Variants in SLIT3 observed in about 807,000 individuals in gnomAD.
SLIT3 encodes the protein slit homolog 3 protein.
Under a neutral mutation model 184.0 loss-of-function variants are expected in SLIT3, and 68 were observed. That is an observed-to-expected ratio of 0.37 (90% CI 0.30 to 0.45). The LOEUF (loss-of-function observed/expected upper bound fraction) is 0.45, where lower values mean the gene tolerates loss of function less well. Among genes scored for constraint, SLIT3 ranks in the 20% least tolerant of loss-of-function variants. The probability of loss-of-function intolerance (pLI) is 1.00; values close to 1 mark genes in which losing one functional copy is unlikely to be tolerated. For missense variants in SLIT3, 1,707 were observed against 2,026.0 expected (o/e 0.84, Z 3.02); for synonymous variants, 831 against 828.6 (o/e 1.00, Z -0.05).
intron 4 of SLIT3, among the ~76,000 whole-genome samples, chr5:169,051,376 TAA>T (rs1303734221): frequency 6.6e-6 from 1 of 152,172 alleles, no homozygotes; most frequent in African/African-American, 2.4e-5. Context: ...TTCTCATATT[TAA>T]GTTTCCTCCT....
intron 1 of SLIT3, among the ~76,000 whole-genome samples, chr5:169,267,914 G>A (rs578041395): frequency 6.6e-6 from 1 of 152,186 alleles, no homozygotes; most frequent in Non-Finnish European, 1.5e-5. Context: ...AGTCCAACCA[G>A]TCACAGAGCA....
intron 34 of SLIT3, among the ~76,000 whole-genome samples, chr5:168,670,650 A>T (rs1761209925): frequency 6.6e-6 from 1 of 152,156 alleles, no homozygotes; most frequent in African/African-American, 2.4e-5. Flanking sequence ...TGATCCAAAA[A>T]ATCATTTCCT....
chr5:168,756,204 G>A (rs550478456), intron 16 of SLIT3, among the ~76,000 whole-genome samples: 39 of 152,350 alleles, frequency 2.6e-4, no homozygotes, highest in African/African-American at 8.9e-4. Flanking sequence ...CACTGCTCCA[G>A]GTCACAGAGC....
intron 4 of SLIT3, among the ~76,000 whole-genome samples, chr5:169,137,389 G>C (rs1761558573): frequency 1.3e-5 from 2 of 150,448 alleles, no homozygotes; most frequent in Non-Finnish European, 3.0e-5. Context: ...AGCAGGGGAA[G>C]GGTATCTATT....
chr5:169,086,885 G>C (rs1276313444), intron 4 of SLIT3, among the ~76,000 whole-genome samples: 3 of 152,224 alleles, frequency 2.0e-5, no homozygotes, highest in Non-Finnish European at 2.9e-5. Context: ...ATCCAAAGGA[G>C]AAGTCTTTGT....
intron 4 of SLIT3, among the ~76,000 whole-genome samples, chr5:169,006,578 TTCTCTCTCTC>T (rs369079733): frequency 2.1e-5 from 3 of 140,204 alleles, no homozygotes; most frequent in East Asian, 2.1e-4. Flanking sequence ...TTTCCCCCTC[TTCTCTCTCTC>T]TCTCTCTCTC....
intron 6 of SLIT3, among the ~76,000 whole-genome samples, chr5:168,840,791 A>AT (rs778791012): frequency 6.6e-6 from 1 of 152,162 alleles, no homozygotes; most frequent in Non-Finnish European, 1.5e-5. Flanking sequence ...TTGAGGCTGT[A>AT]TTTTTTTAGG....
chr5:168,883,207 C>G, intron 5 of SLIT3, 58 bp downstream of exon 5: 2 of 1,406,234 alleles, frequency 1.4e-6, no homozygotes, highest in South Asian at 2.3e-5. Context: ...CACCCTCACT[C>G]TGGTCAGAGA....
Position 169,060,390 on chromosome 5 carries a change from T to TCAAACAAA in SLIT3, c.413+133081_413+133088dup, listed in dbSNP as rs35858529. ...CTGGGTGACAGAGCAAGACTCCATC[T>TCAAACAAA]CAAACAAACAAACAAACAAACAAAC... On this transcript the variant is annotated intron_variant, in intron 4 of 35. Transcript: ENST00000519560. 7.0e-3 allele frequency among the ~76,000 whole-genome samples: 1,064 copies of TCAAACAAA among 151,158 alleles called. 9 individuals are homozygous for TCAAACAAA. Among genetic ancestry groups the TCAAACAAA allele is most frequent in the African/African-American group, 0.023 (956 of 40,994 alleles).
Position 168,789,605 on chromosome 5 carries a change from T to G in SLIT3, c.1034A>C (p.Asp345Ala). The G allele has an allele frequency of 6.2e-7, 1 of 1,613,740 alleles. No individual in the cohort carries two copies. Among genetic ancestry groups the G allele is most frequent in the Non-Finnish European group, 8.5e-7 (1 of 1,179,894 alleles). ...RIDISKNQISDIAPDAFQGLK... is the reference protein window; with the variant it reads ...RIDISKNQISAIAPDAFQGLK... Reference sequence around the variant, plus strand: ...GCCCTGGAAGGCATCTGGAGCAATATCCGATATCTGATTCTTGCTGATGTC... The same window carrying G: ...GCCCTGGAAGGCATCTGGAGCAATAGCCGATATCTGATTCTTGCTGATGTC... Residue 345 changes from aspartate to alanine, a missense_variant, in exon 11 of 36, where the codon GAT becomes GCT. Physicochemically the swap from Asp to Ala is moderately radical, Grantham distance 126. This residue lies in a region of SLIT3 where 1,307 missense variants were observed against 1,511.6 expected (regional missense o/e 0.86). Transcript: ENST00000519560.
intron 1 of SLIT3, among the ~76,000 whole-genome samples, chr5:169,253,251 G>GA (rs1305823538): frequency 6.6e-6 from 1 of 152,160 alleles, no homozygotes; most frequent in Non-Finnish European, 1.5e-5. Context: ...TGACAACTGT[G>GA]AATATGACAA....
intron 3 of SLIT3, among the ~76,000 whole-genome samples, chr5:169,210,894 T>C (rs1419024801): frequency 6.6e-6 from 1 of 152,240 alleles, no homozygotes; most frequent in Non-Finnish European, 1.5e-5. Flanking sequence ...GAAGTATATA[T>C]TTCCATGTTC....
At chr5:169,006,286 C>CAAAAAGCA (rs1755924458) in intron 4 of SLIT3, among the ~76,000 whole-genome samples, 1 of 152,170 alleles carries the variant, frequency 6.6e-6, no homozygotes, top group South Asian at 2.1e-4. Flanking sequence ...TAGGATAATA[C>CAAAAAGCA]AAAAAGCAAA....
chr5:169,295,319 G>A (rs1466363089), intron 1 of SLIT3, among the ~76,000 whole-genome samples: 2 of 152,230 alleles, frequency 1.3e-5, no homozygotes, highest in African/African-American at 4.8e-5. Context: ...CCCCAATGGG[G>A]TAGAGTCATC....
intron 4 of SLIT3, among the ~76,000 whole-genome samples, chr5:169,135,451 C>T (rs556359282): frequency 4.7e-4 from 71 of 152,158 alleles, no homozygotes; most frequent in Admixed American, 1.4e-3. Context: ...GTTCTCTTTT[C>T]CTGGGTTCAT....
intron 3 of SLIT3, among the ~76,000 whole-genome samples, chr5:169,237,883 A>C (rs966493575): frequency 2.6e-5 from 4 of 152,222 alleles, no homozygotes; most frequent in African/African-American, 7.2e-5. Flanking sequence ...TAGGTCTATG[A>C]ATCATCTCGA....
intron 16 of SLIT3, among the ~76,000 whole-genome samples, chr5:168,758,633 T>C (rs1423260828): frequency 6.6e-6 from 1 of 152,182 alleles, no homozygotes; most frequent in Non-Finnish European, 1.5e-5. Flanking sequence ...TGCTCTCCAC[T>C]GCACCCGGTT....
intron 4 of SLIT3, among the ~76,000 whole-genome samples, chr5:168,904,361 G>A (rs978487932): frequency 6.6e-6 from 1 of 152,116 alleles, no homozygotes; most frequent in African/African-American, 2.4e-5. Context: ...TAATTCTCCA[G>A]TCCTGATAAT....
In SLIT3 at chr5:169,233,782, C is replaced by T. The variant is rs79356890; in HGVS notation, c.341+10923G>A. Among the ~76,000 whole-genome samples the T allele has an allele frequency of 1.3e-4, 20 of 152,014 alleles. No homozygotes were observed. The East Asian group carries it at 2.9e-3, about 22-fold the overall frequency. Reference sequence around the variant, plus strand: ...TTTCCTTGGTTCTGTGGTTTTTTGGCTCCTCTCTCTCCTTCCCTCCCTTTT... The same window carrying T: ...TTTCCTTGGTTCTGTGGTTTTTTGGTTCCTCTCTCTCCTTCCCTCCCTTTT... On this transcript the variant is annotated intron_variant, in intron 3 of 35. Transcript: ENST00000519560.
Sources: allele counts gnomAD v4.1 joint callset (sites outside exome capture counted in the v4.1 genomes callset), GRCh38; gene constraint gnomAD v4.1.1; regional missense constraint gnomAD v4.1.1; transcripts MANE v1.5; gene names NCBI Gene and HGNC (gene_info 2026-07-23, HGNC 2026-07-21).